Variants in RDX observed in about 807,000 individuals in gnomAD.
RDX encodes the protein radixin.
A neutral mutation model predicts 83.7 loss-of-function variants in RDX; 32 were observed. The observed-to-expected ratio is 0.38, with a 90% CI of 0.29 to 0.51. The LOEUF (loss-of-function observed/expected upper bound fraction) is 0.51. Ranked by LOEUF, RDX falls within the 20% of genes least tolerant of loss-of-function variation. The pLI is 0.87. For missense variants in RDX, 600 were observed against 689.9 expected, an observed-to-expected ratio of 0.87 and a Z score of 1.46; for synonymous variants, 229 against 222.7, an observed-to-expected ratio of 1.03 and a Z score of -0.25.
At chr11:110,218,311 A>C (rs184571526) in intron 14 of RDX, among the ~76,000 whole-genome samples, 1 of 152,332 alleles carries the variant, frequency 6.6e-6, no homozygotes, top group Admixed American at 6.5e-5. Flanking sequence ...TGCTCTTTTC[A>C]ATGATGTTCT....
chr11:110,237,077 C>A (rs1864883107), intron 11 of RDX, among the ~76,000 whole-genome samples: 1 of 145,896 alleles, frequency 6.9e-6, no homozygotes, highest in South Asian at 2.1e-4. Flanking sequence ...AAAAACCCAA[C>A]CAATTATGGC....
At chr11:110,227,407 T>C (rs1229887664), downstream of RDX, among the ~76,000 whole-genome samples, 1 of 152,086 alleles carries the variant, frequency 6.6e-6, no homozygotes, top group Non-Finnish European at 1.5e-5. Context: ...GCAAACTAAA[T>C]GGCATGCATA....
At chr11:110,223,219 G>A (rs1352637549) in intron 14 of RDX, among the ~76,000 whole-genome samples, 1 of 152,106 alleles carries the variant, frequency 6.6e-6, no homozygotes, top group African/African-American at 2.4e-5. Context: ...AGGCGTGGTG[G>A]TGGGCGCCTG....
chr11:110,285,888 T>A (rs1860961859), intron 1 of RDX, among the ~76,000 whole-genome samples: 1 of 151,894 alleles, frequency 6.6e-6, no homozygotes, highest in African/African-American at 2.4e-5. Flanking sequence ...AAACAAAACC[T>A]GGTCTTTCAA....
intron 14 of RDX, among the ~76,000 whole-genome samples, chr11:110,211,190 A>T (rs1010026542): frequency 6.6e-6 from 1 of 152,230 alleles, no homozygotes; most frequent in Admixed American, 6.5e-5. Context: ...TTGCAATCCT[A>T]GTCTCTGATA....
chr11:110,222,990 A>C (rs1358424743), intron 14 of RDX, among the ~76,000 whole-genome samples: 2 of 152,264 alleles, frequency 1.3e-5, no homozygotes, highest in Admixed American at 1.3e-4. Context: ...ATTAAAAAGT[A>C]AACTATTATT....
exon 16 of RDX, chr11:110,174,983 TC>T (rs1397829369): frequency 6.6e-6 from 1 of 152,246 alleles, no homozygotes; most frequent in Admixed American, 6.5e-5. Flanking sequence ...CACTCTGCTT[TC>T]ATGTACAAAC....
chr11:110,270,823 A>G (rs1389661887), intron 3 of RDX, among the ~76,000 whole-genome samples: 1 of 152,250 alleles, frequency 6.6e-6, no homozygotes, highest in Admixed American at 6.5e-5. Flanking sequence ...ATACAATACC[A>G]AAGAGGATAA....
At chr11:110,200,647 T>C (rs1371640742) in intron 14 of RDX, among the ~76,000 whole-genome samples, 2 of 152,178 alleles carry the variant, frequency 1.3e-5, no homozygotes, top group African/African-American at 4.8e-5. Context: ...GTTTAACCCA[T>C]AATGAAAAGC....
intron 2 of RDX, among the ~76,000 whole-genome samples, chr11:110,274,568 C>T (rs542736324): frequency 2.4e-4 from 36 of 152,236 alleles, no homozygotes; most frequent in Non-Finnish European, 4.0e-4. Context: ...CCCAGCTCAC[C>T]GCAGCCTCAA....
chr11:110,221,079 G>T (rs1278695867), intron 14 of RDX, among the ~76,000 whole-genome samples: 1 of 152,052 alleles, frequency 6.6e-6, no homozygotes. Context: ...AAACAGCAAT[G>T]GCAAGATGGT....
At chr11:110,296,209 G>A (rs1016706712) in intron 1 of RDX, among the ~76,000 whole-genome samples, 1 of 152,052 alleles carries the variant, frequency 6.6e-6, no homozygotes, top group Non-Finnish European at 1.5e-5. Flanking sequence ...CTTTGGCCCG[G>A]CCAGGCACGT....
Position 110,272,741 on chromosome 11 carries a change from T to C in RDX, c.13-122A>G, listed in dbSNP as rs189408769. The stretch of plus-strand genomic sequence containing the variant: ...TTAATCACAAGAAATCTTAAATCTA[T>C]TTGAAAAACAAAGAGCTTATAAAGT... On this transcript the variant is annotated intron_variant, in intron 2 of 13. Transcript: ENST00000645495. 106 of 735,634 alleles carry C rather than the reference T, an allele frequency of 1.4e-4. 1 individual carries two copies. In the African/African-American group the frequency reaches 1.7e-3, roughly 12 times the overall value. 45.6% of individuals were successfully genotyped at this position (735,634 alleles called of 1,614,324 possible).
At chr11:110,295,657 AC>A (rs1861423324) in intron 1 of RDX, among the ~76,000 whole-genome samples, 1 of 151,276 alleles carries the variant, frequency 6.6e-6, no homozygotes, top group African/African-American at 2.4e-5. Flanking sequence ...AAAAAAAAAA[AC>A]AAAAATGCAC....
chr11:110,260,148 G>A (rs997913013), intron 5 of RDX, among the ~76,000 whole-genome samples: 10 of 151,664 alleles, frequency 6.6e-5, no homozygotes, highest in East Asian at 3.9e-4. Flanking sequence ...CACCACGCCC[G>A]GCTAATTTTG....
At chr11:110,282,383 T>G (rs1860797853) in intron 1 of RDX, among the ~76,000 whole-genome samples, 1 of 152,018 alleles carries the variant, frequency 6.6e-6, no homozygotes, top group Non-Finnish European at 1.5e-5. Context: ...GCATCCAGAG[T>G]TCTACAACGT....
chr11:110,201,624 C>G (rs1254709891), intron 14 of RDX, among the ~76,000 whole-genome samples: 1 of 152,190 alleles, frequency 6.6e-6, no homozygotes, highest in Non-Finnish European at 1.5e-5. Context: ...ATTCACAACA[C>G]AGGAGGCTCA....
At position 110,181,184 on chromosome 11, in the gene RDX, C is replaced by G. The variant is rs575655343; in HGVS notation, c.*32-5950G>C. 2.1e-5 allele frequency among the ~76,000 whole-genome samples: 3 copies of G among 142,238 alleles called. No homozygotes were observed. In the East Asian group the frequency reaches 6.3e-4, roughly 30 times the overall value. The allele number at this position is 142,238 out of a possible 152,430, so 93.3% of individuals were successfully genotyped here. On this transcript the variant is annotated intron_variant, in intron 15 of 15. Transcript: ENST00000528498. Reference sequence around the variant, plus strand: ...TGCATCTTTTTTTTTTTTTTTGAGACGGAGTCTTGCCCTGTCACTCAGGCT... The same window carrying G: ...TGCATCTTTTTTTTTTTTTTTGAGAGGGAGTCTTGCCCTGTCACTCAGGCT...
chr11:110,280,770 G>C (rs1172917013), intron 1 of RDX, among the ~76,000 whole-genome samples: 1 of 152,234 alleles, frequency 6.6e-6, no homozygotes, highest in African/African-American at 2.4e-5. Context: ...TGAAGCTGCA[G>C]TGAGCGGTGA....
Sources: gnomAD v4.1 joint callset for allele counts (sites outside exome capture counted in the v4.1 genomes callset) on GRCh38, gnomAD v4.1.1 for gene constraint, MANE v1.5 for transcripts, NCBI Gene and HGNC (gene_info 2026-07-23, HGNC 2026-07-21) for gene names.